Variants in KIF26B observed in about 807,000 individuals in gnomAD.
The protein encoded by KIF26B is kinesin-like protein KIF26B.
A neutral mutation model predicts 151.2 loss-of-function variants in KIF26B; 63 were observed. That is an observed-to-expected ratio of 0.42 (90% CI 0.34 to 0.51). The LOEUF (loss-of-function observed/expected upper bound fraction) is 0.51, where lower values mean the gene tolerates loss of function less well. KIF26B is among the 20% of genes least tolerant of loss of function. The pLI, the probability that KIF26B is intolerant of heterozygous loss-of-function variation, is 0.07. For missense variants in KIF26B, 2,813 were observed against 2,913.6 expected, an observed-to-expected ratio of 0.97 and a Z score of 0.79; for synonymous variants, 1,357 against 1,262.1, an observed-to-expected ratio of 1.08 and a Z score of -1.59.
intron 2 of KIF26B, among the ~76,000 whole-genome samples, chr1:245,258,876 C>T (rs1670586256): frequency 6.6e-6 from 1 of 152,220 alleles, no homozygotes; most frequent in Admixed American, 6.5e-5. Flanking sequence ...CCCATCTCCG[C>T]TCCGGTTTTC....
chr1:245,199,317 C>T (rs1234272818), intron 2 of KIF26B, among the ~76,000 whole-genome samples: 1 of 152,136 alleles, frequency 6.6e-6, no homozygotes, highest in Admixed American at 6.5e-5. Context: ...TCCCTCCTCC[C>T]TCCCTCCTCC....
At chr1:245,320,225 C>G (rs1671862185) in intron 2 of KIF26B, among the ~76,000 whole-genome samples, 1 of 152,212 alleles carries the variant, frequency 6.6e-6, no homozygotes, top group African/African-American at 2.4e-5. Context: ...AGTGCAGAGG[C>G]AGCAGGCAGG....
intron 4 of KIF26B, among the ~76,000 whole-genome samples, chr1:245,502,786 A>G (rs989697982): frequency 2.6e-5 from 4 of 152,132 alleles, no homozygotes; most frequent in African/African-American, 9.7e-5. Context: ...ATCAGTGGGT[A>G]CCAACTGTTT....
chr1:245,693,974 C>G (rs923991775), intron 12 of KIF26B, among the ~76,000 whole-genome samples: 1 of 152,168 alleles, frequency 6.6e-6, no homozygotes, highest in African/African-American at 2.4e-5. Flanking sequence ...GGAGGAGAGT[C>G]ATTGATTCTC....
intron 5 of KIF26B, among the ~76,000 whole-genome samples, chr1:245,588,827 G>C (rs2043255474): frequency 6.6e-6 from 1 of 152,202 alleles, no homozygotes; most frequent in African/African-American, 2.4e-5. Flanking sequence ...GCAGTCCTGG[G>C]AAAGGGGGCC....
chr1:245,259,263 G>A (rs1196331025), intron 2 of KIF26B, among the ~76,000 whole-genome samples: 7 of 152,166 alleles, frequency 4.6e-5, no homozygotes, highest in Non-Finnish European at 1.0e-4. Flanking sequence ...AACAGTGCCT[G>A]CCTAGGTGGT....
At position 245,227,634 on chromosome 1, in the gene KIF26B, T is replaced by G. The variant is rs1039250315; in HGVS notation, c.465+70951T>G. 4.6e-5 allele frequency among the ~76,000 whole-genome samples: 7 copies of G among 152,218 alleles called. No individual in the cohort carries two copies. The highest frequency in any genetic ancestry group is 1.7e-4 in the African/African-American group (7 of 41,456). ...CACAGTTACAGTATTAGACTCACTG[T>G]TTCCTGAGCCACTAAATGTATCAGA... On this transcript the variant is annotated intron_variant, in intron 2 of 14. Coordinates refer to ENST00000407071, the MANE Select transcript of KIF26B (RefSeq NM_018012.4). The surrounding 1 kb of genome is among the most constrained non-coding windows in gnomAD (Gnocchi z 4.1).
At chr1:245,470,785 T>C (rs1489398696) in intron 4 of KIF26B, among the ~76,000 whole-genome samples, 1 of 152,164 alleles carries the variant, frequency 6.6e-6, no homozygotes, top group African/African-American at 2.4e-5. Flanking sequence ...AAGGCCATCG[T>C]GCTAGGCTTC....
chr1:245,532,445 T>C lies in KIF26B; in HGVS notation c.1167-8322T>C, dbSNP rs969506518. On this transcript the variant is annotated intron_variant, in intron 4 of 14. Transcript: ENST00000407071. Reference sequence around the variant, plus strand: ...TATTTTTGGTAGAGACGGGGTTTCATCGTGTTAGCCAGGATGGTCTCGATC... The same window carrying C: ...TATTTTTGGTAGAGACGGGGTTTCACCGTGTTAGCCAGGATGGTCTCGATC... Among the ~76,000 whole-genome samples, 21 of 151,852 alleles carry C rather than the reference T, an allele frequency of 1.4e-4. No individual in the cohort carries two copies. In the East Asian group the frequency reaches 2.2e-3, roughly 16 times the overall value.
chr1:245,155,711 C>T (rs1322047679), intron 1 of KIF26B, among the ~76,000 whole-genome samples: 1 of 152,266 alleles, frequency 6.6e-6, no homozygotes, highest in Non-Finnish European at 1.5e-5. Context: ...CCTTCCTTTC[C>T]ACGCACCCGT....
chr1:245,317,628 G>T (rs1185797654), intron 2 of KIF26B, among the ~76,000 whole-genome samples: 1 of 152,240 alleles, frequency 6.6e-6, no homozygotes, highest in Non-Finnish European at 1.5e-5. Flanking sequence ...CCGCCAAAGA[G>T]AATTGGTTTC....
chr1:245,340,586 C>T (rs1315764894), intron 2 of KIF26B, among the ~76,000 whole-genome samples: 1 of 152,156 alleles, frequency 6.6e-6, no homozygotes, highest in Non-Finnish European at 1.5e-5. Flanking sequence ...TTCACTCATT[C>T]ATTTGTAGGC....
At chr1:245,365,521 A>C (rs58232504) in intron 2 of KIF26B, among the ~76,000 whole-genome samples, 25,943 of 144,154 alleles carry the variant, frequency 0.18, 5,998 homozygotes, top group African/African-American at 0.54. Flanking sequence ...ACTCCCCCCC[A>C]CCAGCCTACA....
chr1:245,538,267 G>T (rs958305709), intron 4 of KIF26B, among the ~76,000 whole-genome samples: 4 of 152,196 alleles, frequency 2.6e-5, no homozygotes, highest in African/African-American at 9.7e-5. Context: ...CAGAAGGCCA[G>T]CACAGACAAC....
intron 1 of KIF26B, 120 bp from the exon 2 acceptor site, chr1:245,156,162 T>A: frequency 7.1e-7 from 1 of 1,415,146 alleles, no homozygotes; most frequent in Non-Finnish European, 9.3e-7. Context: ...CTTGGAGAGG[T>A]CCCCAACCGA....
At chr1:245,436,037 C>T (rs1302946620) in intron 4 of KIF26B, among the ~76,000 whole-genome samples, 2 of 151,914 alleles carry the variant, frequency 1.3e-5, no homozygotes, top group African/African-American at 2.4e-5. Flanking sequence ...ATTAGCCAGG[C>T]GTGGTGGTGC....
At chr1:245,296,818 C>T (rs558285645) in intron 2 of KIF26B, among the ~76,000 whole-genome samples, 20 of 152,286 alleles carry the variant, frequency 1.3e-4, no homozygotes, top group South Asian at 6.2e-4. Context: ...CTTTTTCTGG[C>T]CTCATCTCAG....
intron 2 of KIF26B, among the ~76,000 whole-genome samples, chr1:245,354,995 G>A (rs192963746): frequency 2.0e-5 from 3 of 152,140 alleles, no homozygotes; most frequent in East Asian, 1.9e-4. Flanking sequence ...ATCTCGGCTC[G>A]CTGCAACCTA....
intron 2 of KIF26B, among the ~76,000 whole-genome samples, chr1:245,242,098 A>G (rs1246262578): frequency 6.6e-6 from 1 of 152,230 alleles, no homozygotes; most frequent in Non-Finnish European, 1.5e-5. Flanking sequence ...TTATTTTTAA[A>G]TATTTCAAAC....
Sources: allele counts gnomAD v4.1 joint callset (sites outside exome capture counted in the v4.1 genomes callset), GRCh38; gene constraint gnomAD v4.1.1; non-coding constraint Gnocchi (gnomAD v3.1); transcripts MANE v1.5; gene names NCBI Gene and HGNC (gene_info 2026-07-23, HGNC 2026-07-21).